TRRAP: variants seen among roughly 807,000 people sequenced by gnomAD.
The protein encoded by TRRAP is transformation/transcription domain-associated protein.
A neutral mutation model predicts 438.8 loss-of-function variants in TRRAP; 41 were observed. The ratio of observed to expected loss-of-function variants is 0.09; its 90% CI spans 0.07 to 0.12. TRRAP has a LOEUF of 0.12. TRRAP is among the 10% of genes least tolerant of loss of function. The pLI, the probability that TRRAP is intolerant of heterozygous loss-of-function variation, is 1.00. For synonymous variants in TRRAP, 1,994 were observed against 1,962.9 expected, an observed-to-expected ratio of 1.02 and a Z score of -0.42; for missense variants, 3,122 against 5,055.1, an observed-to-expected ratio of 0.62 and a Z score of 11.60.
Position 99,012,023 on chromosome 7 carries a change from G to T in TRRAP, c.11338-48G>T, listed in dbSNP as rs771113185. The stretch of plus-strand genomic sequence containing the variant: ...ACCTTGTTAGGAAGCTGCCCCTGTG[G>T]GCTGTTCTTGGTTAAACACAAGTCG... On this transcript the variant is annotated intron_variant, in intron 72 of 72. Transcript: ENST00000456197. This position sits in a 1 kb window ranked among gnomAD's most constrained non-coding sequence, Gnocchi z 5.9. The T allele has an allele frequency of 1.3e-6, 2 of 1,590,718 alleles. No individual in the cohort carries two copies.
rs1420374582 is a variant in TRRAP, at chr7:99,012,228, T to C, written c.11495T>C (p.Ile3832Thr). 1 of 1,613,960 alleles carries C rather than the reference T, an allele frequency of 6.2e-7. No homozygotes were observed. Among genetic ancestry groups the C allele is most frequent in the Non-Finnish European group, 8.5e-7 (1 of 1,179,994 alleles). Residue 3832 changes from isoleucine to threonine, a missense_variant, in exon 73 of 73, where the codon ATC (isoleucine) becomes ACC (threonine). Transcript: ENST00000456197. The surrounding 1 kb of genome is among the most constrained non-coding windows in gnomAD (Gnocchi z 5.9). ...VSLVQKAVTA[I>T]MTRLHNLAQF... The stretch of plus-strand genomic sequence containing the variant: ...CTGGTTCAGAAAGCCGTCACCGCCA[T>C]CATGACCCGCCTGCACAACCTCGCC...
intron 64 of TRRAP, among the ~76,000 whole-genome samples, chr7:98,991,189 C>T (rs1365754715): frequency 1.3e-5 from 2 of 152,214 alleles, no homozygotes; most frequent in Non-Finnish European, 2.9e-5. Context: ...TGTCCCTCTC[C>T]CGTGAAAAGA....
Position 98,951,094 on chromosome 7 carries a change from T to TGTGTGTG in TRRAP, c.5463+90_5463+91insGTGTGTG, listed in dbSNP as rs1554418168. On this transcript the variant is annotated intron_variant, in intron 39 of 72. Coordinates refer to ENST00000456197, the MANE Select transcript of TRRAP (RefSeq NM_001375524.1). ...GTGTGTGTGTGTGTGTGTGTGTGTG[T>TGTGTGTG]TAAGGGGGTTCATTGAAATAAGTTT... 1.1e-3 allele frequency: 1,438 copies of TGTGTGTG among 1,283,620 alleles called. 3 individuals carry two copies. Among genetic ancestry groups the TGTGTGTG allele is most frequent in the Non-Finnish European group, 1.3e-3 (1,247 of 995,474 alleles). 79.5% of individuals were successfully genotyped at this position (1,283,620 alleles called of 1,614,324 possible). A position where few individuals can be genotyped will look rare whatever the true frequency, so the allele number is the denominator to read the frequency against.
chr7:98,999,417 G>T, intron 67 of TRRAP: 1 of 1,124,666 alleles, frequency 8.9e-7, no homozygotes, highest in East Asian at 2.4e-5. Context: ...AGATCCAGCA[G>T]CTCCTCCAAA....
rs1793018867 is a variant in TRRAP, at chr7:98,983,418, A to G, written c.8981A>G (p.His2994Arg). The G allele has an allele frequency of 6.2e-7, 1 of 1,614,082 alleles. No individual in the cohort carries two copies. The highest frequency in any genetic ancestry group is 1.3e-5 in the African/African-American group (1 of 74,934). The part of the protein sequence containing the change: ...RLPIVSDDLS[H>R]WSSIFMWRQH... ...CCCATCGTGTCTGACGACTTGTCCC[A>G]CTGGAGCAGCATCTTCATGTGGAGG... The change falls in exon 60 of 73, where the codon CAC (histidine) becomes CGC (arginine). Residue 2994 changes from histidine (H) to arginine (R), a missense_variant. Transcript: ENST00000456197.
intron 21 of TRRAP, among the ~76,000 whole-genome samples, chr7:98,922,365 A>G (rs548703772): frequency 5.3e-5 from 8 of 152,244 alleles, no homozygotes; most frequent in Non-Finnish European, 1.0e-4. Flanking sequence ...CCCACTGCCA[A>G]CAGCTCCTGG....
At chr7:98,977,849 A>G (rs570201466) in intron 56 of TRRAP, among the ~76,000 whole-genome samples, 2 of 152,316 alleles carry the variant, frequency 1.3e-5, no homozygotes, top group African/African-American at 2.4e-5. Flanking sequence ...TCCTCCTTCC[A>G]TTCTGTTCAG....
intron 5 of TRRAP, among the ~76,000 whole-genome samples, chr7:98,892,831 T>C (rs1211932107): frequency 6.6e-6 from 1 of 152,248 alleles, no homozygotes; most frequent in East Asian, 1.9e-4. Flanking sequence ...TCACTTGCAT[T>C]GTTCTTTCCG....
chr7:98,997,375 C>T (rs1024970562), intron 67 of TRRAP, among the ~76,000 whole-genome samples: 12 of 150,244 alleles, frequency 8.0e-5, no homozygotes, highest in Non-Finnish European at 1.5e-4. Flanking sequence ...ACTTTACTAC[C>T]AAGCCACTCA....
intron 22 of TRRAP, 44 bp downstream of exon 22, chr7:98,925,307 T>G: frequency 6.2e-7 from 1 of 1,600,230 alleles, no homozygotes; most frequent in Non-Finnish European, 8.5e-7. Flanking sequence ...GGATCCTGTT[T>G]TAGGAATTGG....
chr7:98,956,478 T>C lies in TRRAP; in HGVS notation c.6176T>C (p.Val2059Ala), dbSNP rs201449586. The change falls in exon 43 of 73, where the codon GTG (valine) becomes GCG (alanine). Residue 2059 changes from valine to alanine, a missense_variant. By Grantham distance (64) the Val-to-Ala change is moderately conservative (BLOSUM62 0). This residue lies in a region of TRRAP where 992 missense variants were observed against 1,281.2 expected (regional missense o/e 0.77). Transcript: ENST00000456197. The surrounding 1 kb of genome is among the most constrained non-coding windows in gnomAD (Gnocchi z 4.5). ...VSSSIKRGLS[V>A]DSAQEVKRFR... Reference sequence around the variant, plus strand: ...TCCTCCATTAAGAGAGGCCTGTCCGTGGATTCTGCCCAGGAAGTGAAACGC... The same window carrying C: ...TCCTCCATTAAGAGAGGCCTGTCCGCGGATTCTGCCCAGGAAGTGAAACGC... 4.3e-6 allele frequency: 7 copies of C among 1,614,216 alleles called. No individual in the cohort carries two copies. The highest frequency in any genetic ancestry group is 2.2e-5 in the East Asian group (1 of 44,870).
chr7:98,916,024 C>A, intron 19 of TRRAP, 136 bp downstream of exon 19: 2 of 1,196,752 alleles, frequency 1.7e-6, no homozygotes, highest in Non-Finnish European at 1.2e-6. Context: ...GCACATCCGC[C>A]GCCCCCCTGC....
At chr7:98,880,684 A>G (rs1795389426) in intron 1 of TRRAP, among the ~76,000 whole-genome samples, 1 of 152,226 alleles carries the variant, frequency 6.6e-6, no homozygotes, top group African/African-American at 2.4e-5. Context: ...TTCAGTGTCC[A>G]TAAATAAAGT....
Position 99,012,439 on chromosome 7 carries a change from C to G in TRRAP, c.*84C>G. The G allele has an allele frequency of 2.8e-6, 4 of 1,431,956 alleles. No homozygotes were observed. The highest frequency in any genetic ancestry group is 3.7e-6 in the Non-Finnish European group (4 of 1,076,482). The allele number at this position is 1,431,956 out of a possible 1,614,324, so 88.7% of individuals were successfully genotyped here. A position where few individuals can be genotyped will look rare whatever the true frequency, so the allele number is the denominator to read the frequency against. ...TTTTACGACTTCTCCCTGCCTCGTT[C>G]CTTATATTCACAGAAGCCCCATAGT... On this transcript the variant is annotated 3_prime_UTR_variant, in exon 73 of 73. Transcript: ENST00000456197. The surrounding 1 kb of genome is among the most constrained non-coding windows in gnomAD (Gnocchi z 5.9).
chr7:98,932,550 C>T (rs2116521098), intron 26 of TRRAP, among the ~76,000 whole-genome samples: 1 of 151,970 alleles, frequency 6.6e-6, no homozygotes, highest in Non-Finnish European at 1.5e-5. Flanking sequence ...CACTATGTTG[C>T]CCAGTCTGGC....
chr7:98,933,443 C>T (rs1343693856), intron 27 of TRRAP, 41 bp downstream of exon 27: 14 of 1,583,586 alleles, frequency 8.8e-6, no homozygotes, highest in African/African-American at 1.3e-5. Flanking sequence ...ATGGTGATGA[C>T]GTGTGTCTGC....
intron 6 of TRRAP, 85 bp from the exon 7 acceptor site, chr7:98,895,679 A>G (rs1445778531): frequency 1.7e-6 from 2 of 1,204,500 alleles, no homozygotes; most frequent in South Asian, 1.6e-5. Flanking sequence ...CTTACGTAGT[A>G]AGACAATTAC....
intron 3 of TRRAP, among the ~76,000 whole-genome samples, chr7:98,885,272 A>T (rs997555431): frequency 6.7e-6 from 1 of 150,062 alleles, no homozygotes; most frequent in Non-Finnish European, 1.5e-5. Context: ...TTTTTTAGAG[A>T]CAGGGTCTTG....
rs1035006413 is a variant in TRRAP, at chr7:99,011,984, T to C, written c.11338-87T>C. 6.5e-7 allele frequency: 1 copy of C among 1,527,436 alleles called. No homozygotes were observed. The highest frequency in any genetic ancestry group is 8.9e-7 in the Non-Finnish European group (1 of 1,128,092). 94.6% of individuals were successfully genotyped at this position (1,527,436 alleles called of 1,614,324 possible). On this transcript the variant is annotated intron_variant, in intron 72 of 72. Coordinates refer to ENST00000456197, the MANE Select transcript of TRRAP (RefSeq NM_001375524.1). This position sits in a 1 kb window ranked among gnomAD's most constrained non-coding sequence, Gnocchi z 7.1. ...GCCCTTGGTGGCCCTGAGCGGCCGC[T>C]GTGGTTGAGTCCCACCTTGTTAGGA... is the stretch of plus-strand genomic sequence containing the variant.
Sources: gnomAD v4.1 joint callset for allele counts (sites outside exome capture counted in the v4.1 genomes callset) on GRCh38, gnomAD v4.1.1 for gene constraint, gnomAD v4.1.1 regional missense constraint, Gnocchi (gnomAD v3.1) non-coding constraint, MANE v1.5 for transcripts, NCBI Gene and HGNC (gene_info 2026-07-23, HGNC 2026-07-21) for gene names.